TTN: variants seen among roughly 807,000 people sequenced by gnomAD.
TTN encodes connectin.
Under a neutral mutation model 3,223.0 loss-of-function variants are expected in TTN, and 1,525 were observed. The observed-to-expected ratio is 0.47, with a 90% CI of 0.45 to 0.49. The LOEUF is 0.49. TTN is among the 20% of genes least tolerant of loss of function. The probability of loss-of-function intolerance (pLI) is 0.00; values close to 1 mark genes in which losing one functional copy is unlikely to be tolerated. For missense variants in TTN, 40,786 were observed against 43,424.0 expected (o/e 0.94, Z 5.40); for synonymous variants, 14,094 against 15,161.0 (o/e 0.93, Z 5.17).
Position 178,589,024 on chromosome 2 carries a change from G to T in TTN, c.62701C>A (p.Leu20901Ile). 1.2e-6 allele frequency: 2 copies of T among 1,610,364 alleles called. No homozygotes were observed. Among genetic ancestry groups the T allele is most frequent in the Non-Finnish European group, 1.7e-6 (2 of 1,179,420 alleles). The change falls in exon 304 of 363, where the codon CTA (leucine) becomes ATA (isoleucine). Residue 20901 changes from leucine to isoleucine, a missense_variant. Coordinates refer to ENST00000589042, the MANE Select transcript of TTN (RefSeq NM_001267550.2). ...DGGCEIQNYI[L>I]EKCETKRMVW... ...ATTCGCTTTGTCTCACATTTTTCTAGAATATAATTTTGGATTTCACAGCCA... is the reference window on the plus strand; with the variant it reads ...ATTCGCTTTGTCTCACATTTTTCTATAATATAATTTTGGATTTCACAGCCA...
At chr2:178,674,609 A>C (rs1449971606) in intron 150 of TTN, among the ~76,000 whole-genome samples, 200 bp from the exon 151 acceptor site, 1 of 151,308 alleles carries the variant, frequency 6.6e-6, no homozygotes, top group Non-Finnish European at 1.5e-5. Flanking sequence ...GATAATTTAT[A>C]ATAATAAAAA....
rs774140425 is a variant in TTN, at chr2:178,715,630, T to C, written c.25784A>G (p.Lys8595Arg). ...KDETEIQESS[K>R]FRMSFVDSVA... Reference sequence around the variant, plus strand: ...CGAGTCAACGAATGACATTCTGAATTTACTGCTCTCTTGAATTTCAGTCTC... The same window carrying C: ...CGAGTCAACGAATGACATTCTGAATCTACTGCTCTCTTGAATTTCAGTCTC... Residue 8595 changes from lysine to arginine, a missense_variant, in exon 89 of 363, where the codon AAA (lysine) becomes AGA (arginine). Physicochemically the swap from Lys to Arg is conservative, Grantham distance 26. Coordinates refer to ENST00000589042, the MANE Select transcript of TTN (RefSeq NM_001267550.2). 13 of 1,613,496 alleles carry C rather than the reference T, an allele frequency of 8.1e-6. No individual in the cohort carries two copies. The Admixed American group carries it at 1.0e-4, about 12-fold the overall frequency.
chr2:178,597,596 A>G lies in TTN; in HGVS notation c.57486T>C (p.Ser19162=). 1 of 1,613,090 alleles carries G rather than the reference A, an allele frequency of 6.2e-7. No homozygotes were observed. Among genetic ancestry groups the G allele is most frequent in the Non-Finnish European group, 8.5e-7 (1 of 1,179,498 alleles). ...NCQRSHQGVY[S]LLAKNEAGER... is the part of the protein sequence containing the mutation. ...CTCCGGCTTCATTTTTGGCAAGAAGAGAATAGACGCCTTGATGGCTCCTCT... is the reference window on the plus strand; with the variant it reads ...CTCCGGCTTCATTTTTGGCAAGAAGGGAATAGACGCCTTGATGGCTCCTCT... The change falls in exon 294 of 363, where the codon TCT becomes TCC. Residue 19162 remains serine, a synonymous_variant. Coordinates refer to ENST00000589042, the MANE Select transcript of TTN (RefSeq NM_001267550.2).
Position 178,554,845 on chromosome 2 carries a change from G to T in TTN, c.88594+20C>A. On this transcript the variant is annotated intron_variant, in intron 331 of 362. Transcript: ENST00000589042. ...CTTTAGGCAAATGTAATATGACAGTGGTCTGTATTCAGCACCTACCAAGGA... is the reference window on the plus strand; with the variant it reads ...CTTTAGGCAAATGTAATATGACAGTTGTCTGTATTCAGCACCTACCAAGGA... 6.2e-7 allele frequency: 1 copy of T among 1,613,586 alleles called. No individual in the cohort carries two copies. Among genetic ancestry groups the T allele is most frequent in the South Asian group, 1.1e-5 (1 of 91,016 alleles).
chr2:178,534,174 A>G lies in TTN; in HGVS notation c.102441T>C (p.Gly34147=), dbSNP rs1575275811. 1 of 1,613,950 alleles carries G rather than the reference A, an allele frequency of 6.2e-7. No homozygotes were observed. Among genetic ancestry groups the G allele is most frequent in the Non-Finnish European group, 8.5e-7 (1 of 1,179,852 alleles). ...CATATTTGACATGTCCTCCTTCTTC[A>G]CCAACTGCATGCATTATCTGCCCAG... is the stretch of plus-strand genomic sequence containing the variant. The part of the protein sequence containing the change: ...PVSGQIMHAV[G]EEGGHVKYVC... Residue 34147 remains glycine, a synonymous_variant, in exon 358 of 363, where the codon GGT becomes GGC. Transcript: ENST00000589042.
chr2:178,701,570 C>T lies in TTN; in HGVS notation c.30556G>A (p.Val10186Ile). The change falls in exon 110 of 363, where the codon GTT becomes ATT. Residue 10186 changes from valine to isoleucine, a missense_variant. By Grantham distance (29) the Val-to-Ile change is conservative. Transcript: ENST00000589042. ...CTGATAGGCATGGTTGGGATTGGAA[C>T]TCTGGAGTCAGGAATATCTGGAAAG... ...LKPPDIPDSR[V>I]PIPTMPIRAV... 6.2e-7 allele frequency: 1 copy of T among 1,613,638 alleles called. No homozygotes were observed. Among genetic ancestry groups the T allele is most frequent in the Non-Finnish European group, 8.5e-7 (1 of 1,179,720 alleles).
chr2:178,779,724 T>C (rs1184905993), intron 22 of TTN: 2 of 533,062 alleles, frequency 3.8e-6, no homozygotes, highest in Non-Finnish European at 6.6e-6. Flanking sequence ...GAAGAGATCT[T>C]GGCATGAATG....
In TTN at chr2:178,551,992, T is replaced by A; in HGVS notation, c.90908A>T (p.Asn30303Ile). 6.2e-7 allele frequency: 1 copy of A among 1,611,776 alleles called. No homozygotes were observed. The highest frequency in any genetic ancestry group is 8.5e-7 in the Non-Finnish European group (1 of 1,178,154). ...AAGTGGTTGGCTGACTCCGTATCTG[T>A]TTTCTGCTCTCACTCTAAACTGGTA... is the stretch of plus-strand genomic sequence containing the variant. ...AEYQFRVRAE[N>I]RYGVSQPLVS... is the part of the protein sequence containing the mutation. Residue 30303 changes from asparagine to isoleucine, a missense_variant, in exon 335 of 363, where the codon AAC becomes ATC. Asn to Ile is a moderately radical substitution (Grantham distance 149, BLOSUM62 -3). Transcript: ENST00000589042.
At chr2:178,528,105 G>A in intron 361 of TTN, 169 bp downstream of exon 361, 2 of 745,828 alleles carry the variant, frequency 2.7e-6, no homozygotes, top group African/African-American at 1.8e-5. Flanking sequence ...AAGTTTCTGT[G>A]TAGCTATAAA....
At position 178,612,847 on chromosome 2, in the gene TTN, A is replaced by C; in HGVS notation, c.49874T>G (p.Val16625Gly). 1 of 1,612,504 alleles carries C rather than the reference A, an allele frequency of 6.2e-7. No individual in the cohort carries two copies. The highest frequency in any genetic ancestry group is 8.5e-7 in the Non-Finnish European group (1 of 1,179,224). ...LMEGQEYSFR[V>G]RAVNKAGESE... ...TTCCCCAGCCTTATTCACAGCTCTA[A>C]CTCGGAATGAGTATTCCTGTCCTTC... The change falls in exon 265 of 363, where the codon GTT becomes GGT. Residue 16625 changes from valine (V) to glycine (G), a missense_variant. Val to Gly is a moderately radical substitution (Grantham distance 109, BLOSUM62 -3). Transcript: ENST00000589042.
rs1305056270 is a variant in TTN at position 178,584,500 on chromosome 2, T to G, written c.65051A>C (p.Asp21684Ala). 6.2e-7 allele frequency: 1 copy of G among 1,613,266 alleles called. No individual in the cohort carries two copies. Among genetic ancestry groups the G allele is most frequent in the Admixed American group, 1.7e-5 (1 of 59,974 alleles). ...DCIFVAWDRP[D>A]SDGGSPIIGY... ...AATAATGGGGCTCCCTCCATCACTATCTGGTCTGTCCCAAGCAACAAAAAT... is the reference window on the plus strand; with the variant it reads ...AATAATGGGGCTCCCTCCATCACTAGCTGGTCTGTCCCAAGCAACAAAAAT... The change falls in exon 311 of 363, where the codon GAT (aspartate) becomes GCT (alanine). Residue 21684 changes from aspartate (D) to alanine (A), a missense_variant. Transcript: ENST00000589042.
chr2:178,611,915 C>T lies in TTN; in HGVS notation c.50394G>A (p.Trp16798Ter). Reference protein sequence around the residue: ...IEKKERLGTRWVKAGKTAGPD... With the variant: ...IEKKERLGTR ...GTCCTGCAGTCTTTCCAGCTTTCAC[C>T]CAACGGGTACCTAACCTTTCTTTCT... Residue 16798 changes from tryptophan (W) to a stop codon, truncating the protein, a stop_gained, in exon 268 of 363, where the codon TGG becomes TGA. Coordinates refer to ENST00000589042, the MANE Select transcript of TTN (RefSeq NM_001267550.2). LOFTEE classifies it high-confidence loss of function. The T allele has an allele frequency of 6.2e-7, 1 of 1,612,550 alleles. No individual in the cohort carries two copies. The highest frequency in any genetic ancestry group is 8.5e-7 in the Non-Finnish European group (1 of 1,179,188).
At chr2:178,716,999 T>C (rs2077583210) in intron 88 of TTN, 96 bp downstream of exon 88, 1 of 1,376,078 alleles carries the variant, frequency 7.3e-7, no homozygotes, top group African/African-American at 1.4e-5. Flanking sequence ...TAGACCCTGG[T>C]CCTAAACATA....
At position 178,573,086 on chromosome 2, in the gene TTN, T is replaced by C; in HGVS notation, c.73046A>G (p.Tyr24349Cys). Residue 24349 changes from tyrosine to cysteine, a missense_variant, in exon 326 of 363, where the codon TAT (tyrosine) becomes TGT (cysteine). By Grantham distance (194) the Tyr-to-Cys change is radical. Coordinates refer to ENST00000589042, the MANE Select transcript of TTN (RefSeq NM_001267550.2). ...CCCAGTGATTTCTGAACCACCATCA[T>C]AGATAGGTTTATTCCAAGCGATTGA... ...SISIAWNKPI[Y>C]DGGSEITGYM... 2 of 1,613,272 alleles carry C rather than the reference T, an allele frequency of 1.2e-6. No individual in the cohort carries two copies. Among genetic ancestry groups the C allele is most frequent in the Non-Finnish European group, 1.7e-6 (2 of 1,179,536 alleles).
chr2:178,630,926 C>T lies in TTN; in HGVS notation c.44032G>A (p.Val14678Met), dbSNP rs761738561. The part of the protein sequence containing the change: ...LDIEDREIKL[V>M]RPLHSVEVME... Reference sequence around the variant, plus strand: ...ACCTCCACACTGTGCAGGGGTCGCACCAGTTTAATTTCCCGATCTAGAAAA... The same window carrying T: ...ACCTCCACACTGTGCAGGGGTCGCATCAGTTTAATTTCCCGATCTAGAAAA... The change falls in exon 238 of 363, where the codon GTG becomes ATG. Residue 14678 changes from valine (V) to methionine (M), a missense_variant. Coordinates refer to ENST00000589042, the MANE Select transcript of TTN (RefSeq NM_001267550.2). 2.5e-6 allele frequency: 4 copies of T among 1,611,462 alleles called. No homozygotes were observed. Among genetic ancestry groups the T allele is most frequent in the Non-Finnish European group, 3.4e-6 (4 of 1,179,118 alleles).
chr2:178,612,699 A>C (rs913780339), intron 265 of TTN, 74 bp downstream of exon 265: 37 of 1,536,098 alleles, frequency 2.4e-5, no homozygotes, highest in Non-Finnish European at 3.5e-6. Flanking sequence ...TGAATTTTTC[A>C]TATTTTCTCA....
In TTN at chr2:178,583,183, T is replaced by A. The variant is rs780643085; in HGVS notation, c.65620A>T (p.Thr21874Ser). ...CAGACATTAGTTCCAGCTTTCACAG[T>A]AAGCAAAGATTTCATAGCCACACTC... ...DLSVAMKSLLTVKAGTNVCLD... is the reference protein window; with the variant it reads ...DLSVAMKSLLSVKAGTNVCLD... Residue 21874 changes from threonine (T) to serine (S), a missense_variant, in exon 313 of 363, where the codon ACT becomes TCT. Physicochemically the swap from Thr to Ser is moderately conservative, Grantham distance 58. Transcript: ENST00000589042. The A allele has an allele frequency of 4.3e-6, 7 of 1,610,552 alleles. No homozygotes were observed. The South Asian group carries it at 7.7e-5, about 18-fold the overall frequency.
Position 178,542,404 on chromosome 2 carries a change from G to C in TTN, c.97352C>G (p.Ser32451Cys). 6.2e-7 allele frequency: 1 copy of C among 1,613,668 alleles called. No individual in the cohort carries two copies. The highest frequency in any genetic ancestry group is 1.7e-5 in the Admixed American group (1 of 60,000). Residue 32451 changes from serine to cysteine, a missense_variant, in exon 349 of 363, where the codon TCT becomes TGT. Transcript: ENST00000589042. ...AAACGTGGACCTAGTCACTGATTCA[G>C]AAACGGGCAGCCATCCTGGACGATG... is the stretch of plus-strand genomic sequence containing the variant. ...DAHRPGWLPV[S>C]ESVTRSTFKF...
At chr2:178,622,080 G>T in intron 243 of TTN, 72 bp from the exon 244 acceptor site, 1 of 1,416,418 alleles carries the variant, frequency 7.1e-7, no homozygotes, top group Non-Finnish European at 9.5e-7. Context: ...GAAAAACTAT[G>T]ATCCTGAGTT....
Sources: allele counts gnomAD v4.1 joint callset (sites outside exome capture counted in the v4.1 genomes callset), GRCh38; gene constraint gnomAD v4.1.1; transcripts MANE v1.5; gene names NCBI Gene and HGNC (gene_info 2026-07-23, HGNC 2026-07-21).